SEPTIN7: variants seen among roughly 807,000 people sequenced by gnomAD.
SEPTIN7 encodes septin-7.
SEPTIN7 carries 10 observed loss-of-function variants against 63.3 expected under a neutral mutation model. The observed-to-expected ratio is 0.16, with a 90% CI of 0.10 to 0.27. SEPTIN7 has a LOEUF of 0.27. Ranked by LOEUF, SEPTIN7 falls within the 10% of genes least tolerant of loss-of-function variation. The pLI is 1.00. For missense variants in SEPTIN7, 310 were observed against 521.0 expected, an observed-to-expected ratio of 0.59 and a Z score of 3.94; for synonymous variants, 131 against 165.3, an observed-to-expected ratio of 0.79 and a Z score of 1.59.
At chr7:35,808,119 GT>G (rs1172473518) in intron 1 of SEPTIN7, among the ~76,000 whole-genome samples, 1 of 151,790 alleles carries the variant, frequency 6.6e-6, no homozygotes, top group Admixed American at 6.6e-5. Context: ...ACCCAGCCTG[GT>G]TTTTTTTGTT....
At chr7:35,867,346 T>G (rs1249162764) in intron 4 of SEPTIN7, among the ~76,000 whole-genome samples, 2 of 152,114 alleles carry the variant, frequency 1.3e-5, no homozygotes, top group African/African-American at 4.8e-5. Context: ...TTTGAAAATT[T>G]TTATATTTAT....
At chr7:35,889,966 C>T (rs976054481) in intron 10 of SEPTIN7, among the ~76,000 whole-genome samples, 9 of 152,154 alleles carry the variant, frequency 5.9e-5, no homozygotes, top group African/African-American at 9.7e-5. Context: ...ACTGACAATA[C>T]GGTATTGCCA....
intron 4 of SEPTIN7, among the ~76,000 whole-genome samples, chr7:35,871,615 C>T (rs1022579891): frequency 6.6e-6 from 1 of 152,186 alleles, no homozygotes; most frequent in African/African-American, 2.4e-5. Flanking sequence ...ATCTTAGTCT[C>T]CGCATGTTAG....
At chr7:35,881,977 C>G (rs1041855195) in intron 7 of SEPTIN7, among the ~76,000 whole-genome samples, 1 of 151,922 alleles carries the variant, frequency 6.6e-6, no homozygotes, top group Non-Finnish European at 1.5e-5. Context: ...TGTGTATGCA[C>G]ATGTACATGT....
In SEPTIN7 at chr7:35,801,085, G is replaced by C; in HGVS notation, c.-125G>C. On this transcript the variant is annotated 5_prime_UTR_variant, in exon 1 of 14. Transcript: ENST00000350320. The stretch of plus-strand genomic sequence containing the variant: ...CGAGCGAGAGCCTGTGGAGGAGTCC[G>C]CCTGCTGTAGCGTGCGTAAGCAAGG... 1.5e-6 allele frequency: 1 copy of C among 664,254 alleles called. No individual in the cohort carries two copies. The highest frequency in any genetic ancestry group is 2.3e-6 in the Non-Finnish European group (1 of 428,602). 41.1% of individuals were successfully genotyped at this position (664,254 alleles called of 1,614,324 possible).
In SEPTIN7 at chr7:35,904,240, C is replaced by T. The variant is rs1788490100; in HGVS notation, c.1275-14C>T. ...ATGGTTACTCATCTTGCTTATTTTC[C>T]TTTTATCCTTTAGAACCTTGGAAAA... On this transcript the variant is annotated splice_polypyrimidine_tract_variant and intron_variant, in intron 13 of 13. Coordinates refer to ENST00000350320, the MANE Select transcript of SEPTIN7 (RefSeq NM_001788.6). 2.0e-6 allele frequency: 3 copies of T among 1,530,662 alleles called. No homozygotes were observed. In the African/African-American group the frequency reaches 4.1e-5, roughly 21 times the overall value. The allele number at this position is 1,530,662 out of a possible 1,614,324, so 94.8% of individuals were successfully genotyped here. A position where few individuals can be genotyped will look rare whatever the true frequency, so the allele number is the denominator to read the frequency against.
At chr7:35,881,607 C>T (rs1304221128) in intron 7 of SEPTIN7, among the ~76,000 whole-genome samples, 5 of 151,270 alleles carry the variant, frequency 3.3e-5, no homozygotes, top group South Asian at 2.1e-4. Context: ...ACTATAGTAA[C>T]CATGTAACAC....
At chr7:35,840,731 G>A (rs1784369578) in intron 3 of SEPTIN7, among the ~76,000 whole-genome samples, 1 of 151,896 alleles carries the variant, frequency 6.6e-6, no homozygotes, top group East Asian at 1.9e-4. Context: ...TGCTTGAGAG[G>A]GATTTTAAAG....
chr7:35,901,703 TCAA>T (rs1331100121), intron 12 of SEPTIN7: 2 of 152,192 alleles, frequency 1.3e-5, no homozygotes. Context: ...TAGAATGTTA[TCAA>T]CTCATTTGAA....
intron 11 of SEPTIN7, among the ~76,000 whole-genome samples, chr7:35,895,992 G>A (rs1359421236): frequency 9.9e-5 from 15 of 152,200 alleles, no homozygotes; most frequent in African/African-American, 3.6e-4. Flanking sequence ...TGTATTTTTA[G>A]TAAAGATGGA....
rs34886896 is a variant in SEPTIN7 at position 35,904,805 on chromosome 7, GAA to G, written c.*523_*524del. 404 of 148,254 alleles carry G rather than the reference GAA, an allele frequency of 2.7e-3. 2 individuals are homozygous for G. The highest frequency in any genetic ancestry group is 7.7e-3 in the African/African-American group (315 of 40,668). 9.2% of individuals were successfully genotyped at this position (148,254 alleles called of 1,614,324 possible). A position where few individuals can be genotyped will look rare whatever the true frequency, so the allele number is the denominator to read the frequency against. ...CTTCCATTGTTTAAAAATACACATG[GAA>G]AAAAAAAAAACCCTATATGCTTACT... On this transcript the variant is annotated 3_prime_UTR_variant, in exon 14 of 14. Transcript: ENST00000350320.
At chr7:35,840,155 T>C (rs1583542251) in intron 3 of SEPTIN7, among the ~76,000 whole-genome samples, 1 of 65,692 alleles carries the variant, frequency 1.5e-5, no homozygotes, top group African/African-American at 6.6e-5. Context: ...CCTTCCCCCT[T>C]CCCCCATCCT....
intron 3 of SEPTIN7, among the ~76,000 whole-genome samples, chr7:35,840,938 T>C (rs1340336534): frequency 6.6e-6 from 1 of 152,238 alleles, no homozygotes; most frequent in Non-Finnish European, 1.5e-5. Flanking sequence ...GTACTTTTTT[T>C]CAGTAATTCG....
intron 3 of SEPTIN7, among the ~76,000 whole-genome samples, chr7:35,840,884 G>A (rs183508790): frequency 1.2e-4 from 18 of 152,238 alleles, no homozygotes; most frequent in African/African-American, 4.3e-4. Context: ...CAGCTAAAAA[G>A]CATGCCATTA....
intron 4 of SEPTIN7, among the ~76,000 whole-genome samples, chr7:35,868,461 T>G (rs1159251563): frequency 6.6e-6 from 1 of 151,906 alleles, no homozygotes; most frequent in Non-Finnish European, 1.5e-5. Flanking sequence ...GGGAAAAATA[T>G]GGACAAACAA....
At chr7:35,857,888 G>A (rs928983983) in intron 3 of SEPTIN7, among the ~76,000 whole-genome samples, 1 of 152,092 alleles carries the variant, frequency 6.6e-6, no homozygotes, top group Non-Finnish European at 1.5e-5. Context: ...TCAAAAAAAG[G>A]GGGGTGGGGT....
At chr7:35,872,516 A>C (rs370945190) in intron 4 of SEPTIN7, 150 bp from the exon 5 acceptor site, 7 of 620,314 alleles carry the variant, frequency 1.1e-5, no homozygotes, top group South Asian at 1.1e-4. Flanking sequence ...GCTATCATCA[A>C]TTCTAAAGGT....
At chr7:35,801,513 G>T (rs1366081669) in intron 1 of SEPTIN7, among the ~76,000 whole-genome samples, 1 of 151,234 alleles carries the variant, frequency 6.6e-6, no homozygotes, top group Non-Finnish European at 1.5e-5. Flanking sequence ...CATTTCCTGT[G>T]CCGCGGCGGG....
chr7:35,882,286 A>G (rs1409501200), intron 7 of SEPTIN7, among the ~76,000 whole-genome samples, 198 bp from the exon 8 acceptor site: 1 of 150,178 alleles, frequency 6.7e-6, no homozygotes, highest in Non-Finnish European at 1.5e-5. Context: ...TGGTGTTTAT[A>G]TATCAACTTC....
Sources: gnomAD v4.1 joint callset for allele counts (sites outside exome capture counted in the v4.1 genomes callset) on GRCh38, gnomAD v4.1.1 for gene constraint, MANE v1.5 for transcripts, NCBI Gene and HGNC (gene_info 2026-07-23, HGNC 2026-07-21) for gene names.